MYO6: variants seen among roughly 807,000 people sequenced by gnomAD.
MYO6 encodes myosin VI.
Under a neutral mutation model 178.7 loss-of-function variants are expected in MYO6, and 74 were observed. The observed-to-expected ratio is 0.41, with a 90% CI of 0.34 to 0.50. The LOEUF (loss-of-function observed/expected upper bound fraction) is 0.50. MYO6 is among the 20% of genes least tolerant of loss of function. The pLI, the probability that MYO6 is intolerant of heterozygous loss-of-function variation, is 0.09. For synonymous variants in MYO6, 477 were observed against 504.6 expected (o/e 0.95, Z 0.73); for missense variants, 1,330 against 1,547.4 (o/e 0.86, Z 2.36).
intron 1 of MYO6, among the ~76,000 whole-genome samples, chr6:75,799,389 TA>T (rs11358717): frequency 0.46 from 61,083 of 133,632 alleles, 16,595 homozygotes; most frequent in African/African-American, 0.8. Flanking sequence ...AAACTCTGTC[TA>T]AAAAAAAAAA....
chr6:75,902,573 C>A (rs1779891840), intron 30 of MYO6, among the ~76,000 whole-genome samples: 1 of 152,086 alleles, frequency 6.6e-6, no homozygotes, highest in South Asian at 2.1e-4. Context: ...GTGGTGACAT[C>A]CCCTTTATCA....
intron 30 of MYO6, 82 bp downstream of exon 30, chr6:75,898,493 C>G: frequency 8.7e-7 from 1 of 1,155,940 alleles, no homozygotes; most frequent in Non-Finnish European, 1.3e-6. Context: ...TGGACCAGAA[C>G]CTGTTACATG....
At chr6:75,822,656 C>T (rs1294988984) in intron 2 of MYO6, 126 bp from the exon 3 acceptor site, 2 of 709,138 alleles carry the variant, frequency 2.8e-6, no homozygotes, top group Non-Finnish European at 2.5e-6. Flanking sequence ...ATAGTATTAT[C>T]TGTATTATAT....
intron 1 of MYO6, among the ~76,000 whole-genome samples, chr6:75,787,490 A>G (rs1187430078): frequency 1.3e-5 from 2 of 151,984 alleles, no homozygotes; most frequent in African/African-American, 2.4e-5. Context: ...GAACTCAGGA[A>G]TACATGATTC....
chr6:75,848,265 A>G (rs1774920910), intron 10 of MYO6, 86 bp from the exon 11 acceptor site: 4 of 1,193,680 alleles, frequency 3.4e-6, no homozygotes, highest in East Asian at 2.3e-5. Context: ...TGCATGTTAT[A>G]TAGTGCATTA....
At chr6:75,816,839 T>C (rs763604592) in intron 1 of MYO6, among the ~76,000 whole-genome samples, 4 of 152,184 alleles carry the variant, frequency 2.6e-5, no homozygotes, top group African/African-American at 7.2e-5. Context: ...CAGAATACTT[T>C]AGGGAGCAAA....
rs772457315 is a variant in MYO6 at position 75,914,873 on chromosome 6, G to A, written c.3719G>A (p.Arg1240His). The A allele has an allele frequency of 3.2e-5, 52 of 1,614,026 alleles. No homozygotes were observed. Among genetic ancestry groups the A allele is most frequent in the Non-Finnish European group, 4.0e-5 (47 of 1,180,008 alleles). ...NLEETGLTRK[R>H]GAEILPRQFE... ...GAGGAGACTGGCCTGACTCGGAAGC[G>A]TGGTGCTGAGATCTTGCCAAGACAG... Residue 1240 changes from arginine (R) to histidine (H), a missense_variant, in exon 35 of 35, where the codon CGT (arginine) becomes CAT (histidine). This residue lies in a region of MYO6 where 601 missense variants were observed against 626.1 expected (regional missense o/e 0.96). Coordinates refer to ENST00000369977, the MANE Select transcript of MYO6 (RefSeq NM_004999.4).
chr6:75,883,415 C>T (rs1403253285), intron 23 of MYO6, among the ~76,000 whole-genome samples: 2 of 151,996 alleles, frequency 1.3e-5, no homozygotes, highest in East Asian at 3.8e-4. Flanking sequence ...TCTTTTAGGA[C>T]ATGGTTCTTG....
intron 3 of MYO6, among the ~76,000 whole-genome samples, chr6:75,825,493 C>T (rs966229274): frequency 1.6e-4 from 24 of 151,908 alleles, no homozygotes; most frequent in African/African-American, 4.6e-4. Context: ...CTTGGGAGGC[C>T]GAGGCAGGAG....
intron 30 of MYO6, among the ~76,000 whole-genome samples, chr6:75,898,761 G>T (rs1169461919): frequency 6.6e-6 from 1 of 152,052 alleles, no homozygotes; most frequent in Non-Finnish European, 1.5e-5. Context: ...CTCTCCCTGG[G>T]GTGGTGCTGC....
At chr6:75,803,340 T>C (rs114558591) in intron 1 of MYO6, among the ~76,000 whole-genome samples, 166 of 152,294 alleles carry the variant, frequency 1.1e-3, no homozygotes, top group African/African-American at 3.8e-3. Flanking sequence ...TTAGTGGTGG[T>C]GTTCACTGTT....
Position 75,817,511 on chromosome 6 carries a change from A to G in MYO6, c.-37A>G. On this transcript the variant is annotated 5_prime_UTR_variant, in exon 2 of 35. Transcript: ENST00000369977. ...GTTCCTTTGAAACAGGTGACAGTGG[A>G]TAGTGGAAACAGGAGATCGTGGATC... is the stretch of plus-strand genomic sequence containing the variant. 1 of 1,495,680 alleles carries G rather than the reference A, an allele frequency of 6.7e-7. No individual in the cohort carries two copies. The highest frequency in any genetic ancestry group is 2.3e-5 in the East Asian group (1 of 44,364). The allele number at this position is 1,495,680 out of a possible 1,614,324, so 92.7% of individuals were successfully genotyped here.
chr6:75,880,175 G>A (rs1015092821), intron 22 of MYO6, 55 bp downstream of exon 22: 14 of 1,256,298 alleles, frequency 1.1e-5, no homozygotes, highest in Non-Finnish European at 1.5e-5. Flanking sequence ...AATAGTTGGG[G>A]TTAGTGAATA....
In MYO6 at chr6:75,892,681, C is replaced by T. The variant is rs147066544; in HGVS notation, c.3098C>T (p.Ala1033Val). The T allele has an allele frequency of 8.1e-6, 13 of 1,612,232 alleles. No homozygotes were observed. Among genetic ancestry groups the T allele is most frequent in the Admixed American group, 3.3e-5 (2 of 60,018 alleles). ...LISDEAQADL[A>V]LRRNDGTRPK... ...AGTGATGAGGCCCAGGCCGACCTGG[C>T]GCTGCGGAGGTACTGGGGCCCCTGG... The change falls in exon 28 of 35, where the codon GCG (alanine) becomes GTG (valine). Residue 1033 changes from alanine (A) to valine (V), a missense_variant. Around this residue, in one of 3 missense-constraint regions of MYO6, gnomAD observed 601 missense variants for 626.1 expected, o/e 0.96. Coordinates refer to ENST00000369977, the MANE Select transcript of MYO6 (RefSeq NM_004999.4).
chr6:75,894,868 A>G, intron 28 of MYO6: 2 of 1,374,334 alleles, frequency 1.5e-6, no homozygotes, highest in Non-Finnish European at 2.0e-6. Context: ...TGTATGTCAT[A>G]TGTTCTGAAA....
intron 2 of MYO6, among the ~76,000 whole-genome samples, chr6:75,821,045 TAATG>T (rs1391199888): frequency 6.6e-6 from 1 of 152,198 alleles, no homozygotes; most frequent in Non-Finnish European, 1.5e-5. Flanking sequence ...AGAAAACAAT[TAATG>T]AAACATTTTA....
chr6:75,890,093 T>C lies in MYO6; in HGVS notation c.2695T>C (p.Tyr899His), dbSNP rs1583377902. The C allele has an allele frequency of 5.0e-6, 8 of 1,613,530 alleles. No individual in the cohort carries two copies. The highest frequency in any genetic ancestry group is 6.8e-6 in the Non-Finnish European group (8 of 1,179,906). The change falls in exon 26 of 35, where the codon TAT (tyrosine) becomes CAT (histidine). Residue 899 changes from tyrosine to histidine, a missense_variant. Transcript: ENST00000369977. ...MMTQEQIQKE[Y>H]DALVKSSEEL... ...GACGCAGGAACAAATCCAGAAAGAA[T>C]ATGATGCACTGGTTAAAAGCTCAGA...
intron 4 of MYO6, among the ~76,000 whole-genome samples, chr6:75,828,932 G>A (rs1040056524): frequency 6.6e-6 from 1 of 151,930 alleles, no homozygotes; most frequent in African/African-American, 2.4e-5. Flanking sequence ...AATGGTTTTT[G>A]GTTTTGATTT....
intron 9 of MYO6, 84 bp downstream of exon 9, chr6:75,841,462 A>G: frequency 7.4e-7 from 1 of 1,344,246 alleles, no homozygotes; most frequent in Non-Finnish European, 1.0e-6. Flanking sequence ...GCTGAGGCGG[A>G]TGGATTGCTT....
Sources: allele counts gnomAD v4.1 joint callset (sites outside exome capture counted in the v4.1 genomes callset), GRCh38; gene constraint gnomAD v4.1.1; regional missense constraint gnomAD v4.1.1; transcripts MANE v1.5; gene names NCBI Gene and HGNC (gene_info 2026-07-23, HGNC 2026-07-21).